The following ATP7B variants were observed in gnomAD, a reference collection of about 807,000 sequenced individuals.
ATP7B encodes the protein ATPase copper transporting beta.
Under a neutral mutation model 118.9 loss-of-function variants are expected in ATP7B, and 113 were observed. The observed-to-expected ratio is 0.95, with a 90% CI of 0.82 to 1.11. The LOEUF (loss-of-function observed/expected upper bound fraction) is 1.11, where lower values mean the gene tolerates loss of function less well. ATP7B is among the 50% of genes most tolerant of loss of function. The pLI, the probability that ATP7B is intolerant of heterozygous loss-of-function variation, is 0.00. For synonymous variants in ATP7B, 777 were observed against 727.4 expected (o/e 1.07, Z -1.10); for missense variants, 1,867 against 1,871.4 (o/e 1.00, Z 0.04).
chr13:51,978,390 C>T (rs1050811005), intron 1 of ATP7B, among the ~76,000 whole-genome samples: 2 of 152,120 alleles, frequency 1.3e-5, no homozygotes, highest in Admixed American at 1.3e-4. Context: ...ACATTCCAAC[C>T]ACACTGGCAC....
intron 17 of ATP7B, 126 bp downstream of exon 17, chr13:51,938,922 TGGA>T (rs1489645408): frequency 1.4e-6 from 2 of 1,440,638 alleles, no homozygotes; most frequent in Admixed American, 3.4e-5. Flanking sequence ...ATGAAACACG[TGGA>T]GAGAAAAGCA....
intron 1 of ATP7B, among the ~76,000 whole-genome samples, chr13:51,978,539 T>C (rs2140179932): frequency 6.6e-6 from 1 of 152,314 alleles, no homozygotes; most frequent in Non-Finnish European, 1.5e-5. Flanking sequence ...TTTGTTCATG[T>C]GCAAAACAAA....
At chr13:51,952,038 C>T (rs1221379077) in intron 9 of ATP7B, among the ~76,000 whole-genome samples, 5 of 152,086 alleles carry the variant, frequency 3.3e-5, no homozygotes, top group Admixed American at 1.3e-4. Flanking sequence ...AAGACAACAG[C>T]GAAAGTCACG....
Position 51,961,939 on chromosome 13 carries a change from G to A in ATP7B, c.1870-26C>T, listed in dbSNP as rs553561217. 4 of 1,577,158 alleles carry A rather than the reference G, an allele frequency of 2.5e-6. No individual in the cohort carries two copies. The Admixed American group carries it at 6.8e-5, about 27-fold the overall frequency. On this transcript the variant is annotated intron_variant, in intron 5 of 20. Transcript: ENST00000242839. ...CTTGTCATTAAAAAGAGAGGGGTGG[G>A]GAAAAAGGAGGAAGGTACTTGGTTA...
At chr13:51,985,160 A>G (rs1395472109) in intron 1 of ATP7B, among the ~76,000 whole-genome samples, 2 of 152,242 alleles carry the variant, frequency 1.3e-5, no homozygotes, top group African/African-American at 4.8e-5. Context: ...GATGTGCTGT[A>G]TTCAGGAGAC....
At chr13:51,979,188 G>A (rs943121121) in intron 1 of ATP7B, among the ~76,000 whole-genome samples, 2 of 152,136 alleles carry the variant, frequency 1.3e-5, no homozygotes, top group Non-Finnish European at 2.9e-5. Context: ...CCAGTCACAC[G>A]GCCAAGCACA....
chr13:51,942,325 C>T (rs767078371), intron 15 of ATP7B, 61 bp downstream of exon 15: 23 of 1,607,504 alleles, frequency 1.4e-5, no homozygotes, highest in Non-Finnish European at 2.0e-5. Flanking sequence ...GGGCGTGGTG[C>T]TCTCTGTGGT....
intron 4 of ATP7B, 81 bp from the exon 5 acceptor site, chr13:51,965,114 C>G: frequency 6.3e-7 from 1 of 1,576,202 alleles, no homozygotes; most frequent in Non-Finnish European, 8.7e-7. Context: ...GTCTAGGTAA[C>G]AGGCAGCCAA....
intron 12 of ATP7B, among the ~76,000 whole-genome samples, chr13:51,949,227 A>G (rs1007623476): frequency 6.6e-6 from 1 of 152,228 alleles, no homozygotes; most frequent in African/African-American, 2.4e-5. Context: ...TATTTACATT[A>G]CTTGGGAAGC....
At chr13:51,981,674 G>T (rs1952429206) in intron 1 of ATP7B, among the ~76,000 whole-genome samples, 1 of 152,118 alleles carries the variant, frequency 6.6e-6, no homozygotes, top group African/African-American at 2.4e-5. Flanking sequence ...CACTGAGGAA[G>T]AATCAATGTC....
chr13:51,988,142 T>A (rs1159425890), intron 1 of ATP7B, among the ~76,000 whole-genome samples: 1 of 151,172 alleles, frequency 6.6e-6, no homozygotes. Flanking sequence ...TGGGAGAAAA[T>A]TTTTGCAATC....
chr13:51,942,466 C>G lies in ATP7B; in HGVS notation c.3332G>C (p.Gly1111Ala). 6.2e-7 allele frequency: 1 copy of G among 1,614,224 alleles called. No individual in the cohort carries two copies. The highest frequency in any genetic ancestry group is 8.5e-7 in the Non-Finnish European group (1 of 1,180,036). ...GIGCKVSNVE[G>A]ILAHSERPLS... ...AGGGCGCTCACTGTGGGCCAGGATGCCTTCCACGTTGCTGACTTTGCACCC... is the reference window on the plus strand; with the variant it reads ...AGGGCGCTCACTGTGGGCCAGGATGGCTTCCACGTTGCTGACTTTGCACCC... The change falls in exon 15 of 21, where the codon GGC becomes GCC. Residue 1111 changes from glycine (G) to alanine (A), a missense_variant. By Grantham distance (60) the Gly-to-Ala change is moderately conservative. Coordinates refer to ENST00000242839, the MANE Select transcript of ATP7B (RefSeq NM_000053.4).
At chr13:51,971,733 A>G (rs1445443084) in intron 2 of ATP7B, among the ~76,000 whole-genome samples, 1 of 152,244 alleles carries the variant, frequency 6.6e-6, no homozygotes, top group East Asian at 1.9e-4. Flanking sequence ...GCCACTCCAC[A>G]TGAATGCCCA....
intron 2 of ATP7B, among the ~76,000 whole-genome samples, chr13:51,973,211 T>C (rs1013798619): frequency 6.6e-6 from 1 of 152,132 alleles, no homozygotes; most frequent in Non-Finnish European, 1.5e-5. Context: ...AAGGTGATAA[T>C]AGTTCTCTTG....
intron 19 of ATP7B, among the ~76,000 whole-genome samples, chr13:51,936,169 C>A (rs1956948517): frequency 6.6e-6 from 1 of 152,184 alleles, no homozygotes; most frequent in Admixed American, 6.5e-5. Flanking sequence ...AGAGCCAGGT[C>A]CCAGGACAGG....
Position 51,941,147 on chromosome 13 carries a change from C to G in ATP7B, c.3490G>C (p.Asp1164His). Residue 1164 changes from aspartate to histidine, a missense_variant, in exon 16 of 21, where the codon GAT becomes CAT. Physicochemically the swap from Asp to His is moderately conservative, Grantham distance 81 (BLOSUM62 -1). Transcript: ENST00000242839. ...LRRNGLTISS[D>H]VSDAMTDHEM... ...TGGTCTGTCATAGCGTCACTGACATCGCTAGAAATGGTTAAACCGTTGCGC... is the reference window on the plus strand; with the variant it reads ...TGGTCTGTCATAGCGTCACTGACATGGCTAGAAATGGTTAAACCGTTGCGC... The G allele has an allele frequency of 6.2e-7, 1 of 1,614,130 alleles. No individual in the cohort carries two copies. Among genetic ancestry groups the G allele is most frequent in the Non-Finnish European group, 8.5e-7 (1 of 1,180,038 alleles).
intron 1 of ATP7B, among the ~76,000 whole-genome samples, chr13:51,983,080 G>A (rs1049546894): frequency 6.6e-6 from 1 of 152,158 alleles, no homozygotes; most frequent in Non-Finnish European, 1.5e-5. Flanking sequence ...TCACTCGCCT[G>A]GAAAGGTGGC....
chr13:51,989,894 T>A (rs183579422), intron 1 of ATP7B, among the ~76,000 whole-genome samples: 263 of 152,288 alleles, frequency 1.7e-3, no homozygotes, highest in East Asian at 5.4e-3. Context: ...TTATTTATTT[T>A]TTTTACTCTG....
chr13:51,958,621 GGGGA>G, intron 7 of ATP7B, 77 bp from the exon 8 acceptor site: 7 of 1,311,544 alleles, frequency 5.3e-6, no homozygotes, highest in Non-Finnish European at 7.7e-6. Flanking sequence ...CAAGGGCCCT[GGGGA>G]TGGCAAAGCC....
Sources: allele counts gnomAD v4.1 joint callset (sites outside exome capture counted in the v4.1 genomes callset), GRCh38; gene constraint gnomAD v4.1.1; transcripts MANE v1.5; gene names NCBI Gene and HGNC (gene_info 2026-07-23, HGNC 2026-07-21).